Variants in NDRG3 observed in about 807,000 individuals in gnomAD.
NDRG3 encodes the protein protein NDRG3.
In NDRG3, 23 loss-of-function variants were observed where a neutral mutation model predicts 57.2. The observed-to-expected ratio is 0.40, with a 90% CI of 0.29 to 0.57. NDRG3 has a LOEUF of 0.57. NDRG3 is among the 20% of genes least tolerant of loss of function. NDRG3 has a pLI of 0.42. For missense variants in NDRG3, 384 were observed against 457.3 expected (o/e 0.84, Z 1.46); for synonymous variants, 132 against 162.6 (o/e 0.81, Z 1.43).
At chr20:36,727,548 CT>C (rs753248188) in intron 1 of NDRG3, among the ~76,000 whole-genome samples, 2,191 of 138,064 alleles carry the variant, frequency 0.016, 24 homozygotes, top group Non-Finnish European at 0.024. Flanking sequence ...CTTTTCTTTT[CT>C]TTTTTTTTTT....
Position 36,696,407 on chromosome 20 carries a change from C to T in NDRG3, c.94-7623G>A, listed in dbSNP as rs6016255. 3.8e-3 allele frequency among the ~76,000 whole-genome samples: 582 copies of T among 151,602 alleles called. 2 individuals are homozygous for T. The highest frequency in any genetic ancestry group is 0.013 in the African/African-American group (549 of 41,324). ...ACTGTGCCTGGCTAGCCTTGAACTT[C>T]TAAGCTCAAGCAATCTGCTTGCCTT... On this transcript the variant is annotated intron_variant, in intron 3 of 15. Coordinates refer to ENST00000349004, the MANE Select transcript of NDRG3 (RefSeq NM_032013.4).
intron 1 of NDRG3, among the ~76,000 whole-genome samples, chr20:36,730,375 C>T (rs1440622843): frequency 6.6e-6 from 1 of 151,974 alleles, no homozygotes; most frequent in African/African-American, 2.4e-5. Flanking sequence ...CCGCCTCAGC[C>T]TCCCAAAGAG....
chr20:36,727,744 T>A (rs1985031568), intron 1 of NDRG3, among the ~76,000 whole-genome samples: 2 of 151,824 alleles, frequency 1.3e-5, no homozygotes, highest in South Asian at 4.2e-4. Context: ...AGTTTCACCG[T>A]GTTAGCCAGG....
At chr20:36,694,143 G>A (rs889540312) in intron 3 of NDRG3, among the ~76,000 whole-genome samples, 1 of 152,132 alleles carries the variant, frequency 6.6e-6, no homozygotes, top group African/African-American at 2.4e-5. Flanking sequence ...AGGACGAGGA[G>A]GAACAGGAGG....
chr20:36,717,784 G>A (rs1380400626), intron 2 of NDRG3, among the ~76,000 whole-genome samples: 1 of 152,180 alleles, frequency 6.6e-6, no homozygotes, highest in Non-Finnish European at 1.5e-5. Context: ...CTCTATACCA[G>A]TGGTTCTTAA....
At chr20:36,715,495 C>G (rs1157400325) in intron 2 of NDRG3, among the ~76,000 whole-genome samples, 1 of 151,146 alleles carries the variant, frequency 6.6e-6, no homozygotes, top group Non-Finnish European at 1.5e-5. Context: ...CTTCTTTTCT[C>G]TCTCTCCCCC....
chr20:36,714,223 G>A (rs1168515927), intron 2 of NDRG3, among the ~76,000 whole-genome samples: 1 of 151,626 alleles, frequency 6.6e-6, no homozygotes, highest in African/African-American at 2.4e-5. Context: ...TGGCCAAGAT[G>A]GTGAAACCCC....
intron 5 of NDRG3, among the ~76,000 whole-genome samples, chr20:36,687,120 A>C (rs1346116476): frequency 6.6e-6 from 1 of 152,108 alleles, no homozygotes; most frequent in Non-Finnish European, 1.5e-5. Flanking sequence ...TTGCCTCCCA[A>C]AGTGCTAGGA....
intron 2 of NDRG3, among the ~76,000 whole-genome samples, chr20:36,717,303 T>C (rs1051239336): frequency 9.9e-5 from 15 of 152,232 alleles, no homozygotes; most frequent in African/African-American, 2.9e-4. Context: ...TTACAAGTCA[T>C]CTCAGGACAA....
At chr20:36,715,004 GTGTATA>G (rs1555804866) in intron 2 of NDRG3, among the ~76,000 whole-genome samples, 1,472 of 31,778 alleles carry the variant, frequency 0.046, 6 homozygotes, top group Admixed American at 0.059. Context: ...GTGTGTGTGT[GTGTATA>G]TATATATATA....
chr20:36,671,320 C>T (rs1224678796), intron 9 of NDRG3, 21 bp downstream of exon 9: 1 of 1,601,742 alleles, frequency 6.2e-7, no homozygotes, highest in Non-Finnish European at 8.5e-7. Context: ...CACAGCTCTT[C>T]TGGGTGGAAC....
chr20:36,664,655 G>C (rs953904018), intron 12 of NDRG3, among the ~76,000 whole-genome samples: 4 of 152,126 alleles, frequency 2.6e-5, no homozygotes, highest in Non-Finnish European at 4.4e-5. Context: ...ACAAAAACTA[G>C]TATTTACCGA....
chr20:36,741,184 C>T (rs1985911509), intron 1 of NDRG3, among the ~76,000 whole-genome samples: 2 of 152,238 alleles, frequency 1.3e-5, no homozygotes, highest in South Asian at 4.1e-4. Context: ...TCACTTCTTA[C>T]CCGGATTTGT....
rs528739452 is a variant in NDRG3 at position 36,674,939 on chromosome 20, G to GTCTGGA, written c.532-3548_532-3543dup. Among the ~76,000 whole-genome samples the GTCTGGA allele has an allele frequency of 2.2e-4, 26 of 118,516 alleles. No individual in the cohort carries two copies. In the East Asian group the frequency reaches 6.3e-3, roughly 29 times the overall value. The allele number at this position is 118,516 out of a possible 152,430, so 77.8% of individuals were successfully genotyped here. ...TTTGAGACAGGGTCTCTGTCACCTA[G>GTCTGGA]TCTGGAGTCCAGTGGTGTGATCATG... On this transcript the variant is annotated intron_variant, in intron 8 of 15. Transcript: ENST00000349004.
chr20:36,705,730 A>G (rs1983514684), intron 3 of NDRG3, among the ~76,000 whole-genome samples: 1 of 151,760 alleles, frequency 6.6e-6, no homozygotes, highest in Admixed American at 6.6e-5. Flanking sequence ...TCTTACTCCC[A>G]TGTTTTCTTT....
At chr20:36,677,354 T>G (rs377687979) in intron 8 of NDRG3, among the ~76,000 whole-genome samples, 13 of 152,330 alleles carry the variant, frequency 8.5e-5, no homozygotes, top group African/African-American at 3.1e-4. Flanking sequence ...CCCTGAAGGC[T>G]ACGGGCTGGA....
intron 3 of NDRG3, among the ~76,000 whole-genome samples, chr20:36,702,401 G>C (rs1983290792): frequency 6.6e-6 from 1 of 152,170 alleles, no homozygotes; most frequent in Middle Eastern, 3.2e-3. Context: ...CTCCCAAAGT[G>C]CTGGGATTAC....
chr20:36,687,673 C>G, intron 4 of NDRG3, 61 bp from the exon 5 acceptor site: 12 of 1,561,646 alleles, frequency 7.7e-6, no homozygotes, highest in Non-Finnish European at 9.6e-6. Flanking sequence ...TTTTCCTCTA[C>G]TCAGTCAATG....
intron 15 of NDRG3, among the ~76,000 whole-genome samples, chr20:36,655,135 G>A (rs188044310): frequency 2.0e-5 from 3 of 152,362 alleles, no homozygotes; most frequent in Admixed American, 2.0e-4. Flanking sequence ...AATGGACTAG[G>A]AGAGGGCCTC....
Sources: gnomAD v4.1 joint callset for allele counts (sites outside exome capture counted in the v4.1 genomes callset) on GRCh38, gnomAD v4.1.1 for gene constraint, MANE v1.5 for transcripts, NCBI Gene and HGNC (gene_info 2026-07-23, HGNC 2026-07-21) for gene names.